The following CSMD3 variants were observed in gnomAD, a reference collection of about 807,000 sequenced individuals.
The protein encoded by CSMD3 is CUB and sushi domain-containing protein 3.
Under a neutral mutation model 435.2 loss-of-function variants are expected in CSMD3, and 177 were observed. The observed-to-expected ratio is 0.41, with a 90% CI of 0.36 to 0.46. The LOEUF (loss-of-function observed/expected upper bound fraction) is 0.46. CSMD3 is among the 20% of genes least tolerant of loss of function. The pLI, the probability that CSMD3 is intolerant of heterozygous loss-of-function variation, is 0.34. For missense variants in CSMD3, 4,265 were observed against 4,504.6 expected, an observed-to-expected ratio of 0.95 and a Z score of 1.52; for synonymous variants, 1,656 against 1,520.5, an observed-to-expected ratio of 1.09 and a Z score of -2.07.
At chr8:112,563,905 C>T (rs1321740295) in intron 24 of CSMD3, among the ~76,000 whole-genome samples, 1 of 151,834 alleles carries the variant, frequency 6.6e-6, no homozygotes, top group Non-Finnish European at 1.5e-5. Context: ...GACGTTGTAA[C>T]AAGGTTTGAG....
At chr8:112,956,666 G>T (rs2084030922) in intron 7 of CSMD3, among the ~76,000 whole-genome samples, 1 of 152,090 alleles carries the variant, frequency 6.6e-6, no homozygotes, top group South Asian at 2.1e-4. Flanking sequence ...ACGGATCAAA[G>T]AGTTCAATGT....
At chr8:112,247,330 A>G (rs1010591984) in intron 63 of CSMD3, among the ~76,000 whole-genome samples, 199 bp from the exon 64 acceptor site, 1 of 152,196 alleles carries the variant, frequency 6.6e-6, no homozygotes, top group Non-Finnish European at 1.5e-5. Context: ...ATTTGTTTAC[A>G]TATCATCATC....
At chr8:112,234,529 T>C (rs1813393728) in intron 67 of CSMD3, 52 bp from the exon 68 acceptor site, 1 of 928,086 alleles carries the variant, frequency 1.1e-6, no homozygotes, top group Admixed American at 1.7e-5. Context: ...ATAGTTATAC[T>C]TCATTTTATT....
At chr8:113,039,114 T>A (rs1377261972) in intron 5 of CSMD3, among the ~76,000 whole-genome samples, 1 of 152,146 alleles carries the variant, frequency 6.6e-6, no homozygotes, top group African/African-American at 2.4e-5. Flanking sequence ...AATATTGTAG[T>A]ACAAAATCCA....
At chr8:112,742,035 T>C (rs187566504) in intron 13 of CSMD3, among the ~76,000 whole-genome samples, 1 of 152,014 alleles carries the variant, frequency 6.6e-6, no homozygotes, top group East Asian at 1.9e-4. Context: ...GAAAAAAGTC[T>C]TCCAGCTTAT....
chr8:112,712,468 T>C (rs2076629766), intron 13 of CSMD3, among the ~76,000 whole-genome samples: 1 of 152,142 alleles, frequency 6.6e-6, no homozygotes, highest in Admixed American at 6.5e-5. Flanking sequence ...GTTGGATTTA[T>C]GGGACAGTGA....
rs189391082 is a variant in CSMD3, at chr8:112,953,180, T to C, written c.1420+1504A>G. ...TACTTAGAATTCAGAAATAAATATA[T>C]TGGCTACACAAAATATTAGAAAAAA... On this transcript the variant is annotated intron_variant, in intron 8 of 70. Transcript: ENST00000297405. 5.4e-3 allele frequency among the ~76,000 whole-genome samples: 825 copies of C among 151,586 alleles called. 4 individuals are homozygous for C. The highest frequency in any genetic ancestry group is 0.014 in the Middle Eastern group (4 of 294).
At chr8:112,593,653 T>C (rs2131378193) in intron 22 of CSMD3, among the ~76,000 whole-genome samples, 1 of 152,092 alleles carries the variant, frequency 6.6e-6, no homozygotes, top group East Asian at 1.9e-4. Context: ...AGAAGCAAAA[T>C]AAGACCAAGG....
chr8:113,262,976 T>C (rs1195407850), intron 3 of CSMD3, among the ~76,000 whole-genome samples: 1 of 152,020 alleles, frequency 6.6e-6, no homozygotes, highest in African/African-American at 2.4e-5. Context: ...TGCAGCAATA[T>C]AAAACCAATA....
Position 112,265,393 on chromosome 8 carries a change from A to G in CSMD3, c.9688+18T>C. ...TACTGGTTACCATTTTTAAATGTTG[A>G]AGAAATCATTATCATACCTCTACAA... On this transcript the variant is annotated intron_variant, in intron 60 of 70. Transcript: ENST00000297405. The G allele has an allele frequency of 3.8e-6, 6 of 1,578,294 alleles. No individual in the cohort carries two copies. Among genetic ancestry groups the G allele is most frequent in the Non-Finnish European group, 5.2e-6 (6 of 1,147,870 alleles).
chr8:113,106,514 A>T, intron 4 of CSMD3, among the ~76,000 whole-genome samples: 1 of 152,232 alleles, frequency 6.6e-6, no homozygotes, highest in East Asian at 1.9e-4. Context: ...TGAAGTTCCA[A>T]AAAGGTTGTG....
chr8:112,488,627 T>A (rs1006604173), intron 31 of CSMD3, among the ~76,000 whole-genome samples: 4 of 152,152 alleles, frequency 2.6e-5, no homozygotes, highest in Non-Finnish European at 4.4e-5. Context: ...GGACCTCGGC[T>A]GAAAAGCAGC....
chr8:112,391,740 C>A (rs368919779), intron 35 of CSMD3, among the ~76,000 whole-genome samples: 83 of 151,870 alleles, frequency 5.5e-4, no homozygotes, highest in African/African-American at 1.9e-3. Context: ...CAGTTGAAGC[C>A]AGAGTCCATG....
At chr8:113,239,805 T>C (rs780441688) in intron 3 of CSMD3, among the ~76,000 whole-genome samples, 1 of 152,144 alleles carries the variant, frequency 6.6e-6, no homozygotes, top group Non-Finnish European at 1.5e-5. Context: ...AAGCCTCTAT[T>C]TTCTTAGAAA....
At chr8:112,614,553 A>G (rs533166547) in intron 22 of CSMD3, among the ~76,000 whole-genome samples, 12 of 152,112 alleles carry the variant, frequency 7.9e-5, no homozygotes, top group Non-Finnish European at 1.3e-4. Flanking sequence ...CCAAAACACA[A>G]ATATATATAC....
At chr8:112,728,065 A>T (rs1156640758) in intron 13 of CSMD3, among the ~76,000 whole-genome samples, 2 of 151,966 alleles carry the variant, frequency 1.3e-5, no homozygotes, top group East Asian at 1.9e-4. Context: ...GACAAAAGGC[A>T]TTAACACTAT....
intron 32 of CSMD3, among the ~76,000 whole-genome samples, chr8:112,449,754 C>T (rs139829380): frequency 1.3e-5 from 2 of 152,192 alleles, no homozygotes; most frequent in African/African-American, 4.8e-5. Context: ...TACGGATGTA[C>T]CATTTGGTTA....
intron 4 of CSMD3, among the ~76,000 whole-genome samples, chr8:113,151,711 T>C (rs551560885): frequency 6.6e-6 from 1 of 152,148 alleles, no homozygotes; most frequent in African/African-American, 2.4e-5. Flanking sequence ...AATGTTCTTC[T>C]ACAGACACTT....
intron 11 of CSMD3, among the ~76,000 whole-genome samples, chr8:112,832,361 T>G (rs2079901505): frequency 6.6e-6 from 1 of 152,124 alleles, no homozygotes; most frequent in Non-Finnish European, 1.5e-5. Context: ...TGAAGGAATA[T>G]TAAAGATGTG....
Sources: gnomAD v4.1 joint callset for allele counts (sites outside exome capture counted in the v4.1 genomes callset) on GRCh38, gnomAD v4.1.1 for gene constraint, MANE v1.5 for transcripts, NCBI Gene and HGNC (gene_info 2026-07-23, HGNC 2026-07-21) for gene names.